Variants in KCNQ5 observed in about 807,000 individuals in gnomAD.
The protein encoded by KCNQ5 is potassium voltage-gated channel subfamily Q member 5.
Under a neutral mutation model 98.2 loss-of-function variants are expected in KCNQ5, and 30 were observed. The observed-to-expected ratio is 0.31, with a 90% CI of 0.23 to 0.41. KCNQ5 has a LOEUF of 0.41. KCNQ5 is among the 10% of genes least tolerant of loss of function. The probability of loss-of-function intolerance (pLI) is 1.00; values close to 1 mark genes in which losing one functional copy is unlikely to be tolerated. For synonymous variants in KCNQ5, 458 were observed against 449.4 expected, an observed-to-expected ratio of 1.02 and a Z score of -0.24; for missense variants, 835 against 1,182.5, an observed-to-expected ratio of 0.71 and a Z score of 4.31.
chr6:72,723,657 CCTTT>C (rs1013344723), intron 1 of KCNQ5, among the ~76,000 whole-genome samples: 2 of 151,952 alleles, frequency 1.3e-5, no homozygotes, highest in Non-Finnish European at 2.9e-5. Flanking sequence ...CTTTTTCCTT[CCTTT>C]CTTTCTTTCA....
intron 1 of KCNQ5, among the ~76,000 whole-genome samples, chr6:72,642,936 G>A (rs1765399600): frequency 6.6e-6 from 1 of 152,134 alleles, no homozygotes. Context: ...ACATAAAAAA[G>A]AATGAGCTTA....
At chr6:72,891,224 A>G (rs563273730) in intron 1 of KCNQ5, among the ~76,000 whole-genome samples, 1 of 152,328 alleles carries the variant, frequency 6.6e-6, no homozygotes, top group South Asian at 2.1e-4. Context: ...CCATAATGCT[A>G]GTATTGCACA....
intron 1 of KCNQ5, among the ~76,000 whole-genome samples, chr6:72,848,822 C>G (rs1777121068): frequency 6.6e-6 from 1 of 152,118 alleles, no homozygotes; most frequent in Admixed American, 6.6e-5. Context: ...CTTTGCTCAG[C>G]ACTTCTCCTT....
chr6:72,891,090 T>C (rs558624436), intron 1 of KCNQ5, among the ~76,000 whole-genome samples: 1 of 152,332 alleles, frequency 6.6e-6, no homozygotes, highest in Admixed American at 6.5e-5. Flanking sequence ...TATTCCAGAA[T>C]GGATTTAATA....
intron 1 of KCNQ5, among the ~76,000 whole-genome samples, chr6:72,763,944 A>C (rs1395471287): frequency 1.3e-5 from 2 of 151,998 alleles, no homozygotes; most frequent in African/African-American, 4.8e-5. Context: ...TCAATATAGA[A>C]CACTAATGAA....
At chr6:72,932,273 C>CGT (rs967705831) in intron 1 of KCNQ5, among the ~76,000 whole-genome samples, 1 of 150,988 alleles carries the variant, frequency 6.6e-6, no homozygotes, top group South Asian at 2.1e-4. Context: ...TGCGTGTGTG[C>CGT]GTGTGTGTGT....
At chr6:72,806,965 C>G (rs987743838) in intron 1 of KCNQ5, 2 of 309,732 alleles carry the variant, frequency 6.5e-6, no homozygotes, top group Non-Finnish European at 1.2e-5. Context: ...GCCTTTGTCT[C>G]TGTTACTATT....
chr6:73,094,805 G>A (rs1774410187), intron 5 of KCNQ5, among the ~76,000 whole-genome samples: 1 of 152,046 alleles, frequency 6.6e-6, no homozygotes, highest in Non-Finnish European at 1.5e-5. Context: ...TAATCTAATA[G>A]GTTTTTATTT....
chr6:72,808,140 C>A (rs989742578), intron 1 of KCNQ5, among the ~76,000 whole-genome samples: 1 of 152,028 alleles, frequency 6.6e-6, no homozygotes. Context: ...TCAATGGCGG[C>A]CTTATCTGGG....
chr6:72,690,692 T>C, intron 1 of KCNQ5, among the ~76,000 whole-genome samples: 1 of 151,098 alleles, frequency 6.6e-6, no homozygotes, highest in Non-Finnish European at 1.5e-5. Context: ...GGGCAGCCCA[T>C]GCCTCCTGAA....
At chr6:72,917,113 G>A (rs1050952281) in intron 1 of KCNQ5, among the ~76,000 whole-genome samples, 11 of 152,208 alleles carry the variant, frequency 7.2e-5, no homozygotes, top group African/African-American at 2.7e-4. Flanking sequence ...GAGGAGCCCA[G>A]GGTGCTGAAG....
intron 1 of KCNQ5, among the ~76,000 whole-genome samples, chr6:72,897,645 A>AAACG (rs1295526126): frequency 6.6e-6 from 1 of 152,214 alleles, no homozygotes; most frequent in Admixed American, 6.5e-5. Context: ...GTAAACAAAC[A>AAACG]AACGAACAAA....
rs200744226 is a variant in KCNQ5 at position 72,785,939 on chromosome 6, CT to C, written c.398+163353del. 5.3e-3 allele frequency among the ~76,000 whole-genome samples: 804 copies of C among 152,242 alleles called. 23 individuals carry two copies. Among genetic ancestry groups the C allele is most frequent in the Admixed American group, 0.043 (663 of 15,292 alleles). ...TGGGTTTAGGACAGTTCAACCTCTG[CT>C]GTCTAGAGTAGCACTACCCAAGAGA... On this transcript the variant is annotated intron_variant, in intron 1 of 13. Transcript: ENST00000370398.
intron 11 of KCNQ5, among the ~76,000 whole-genome samples, chr6:73,181,873 G>T (rs536548886): frequency 1.3e-4 from 20 of 152,224 alleles, no homozygotes; most frequent in African/African-American, 4.6e-4. Flanking sequence ...AAACAGGGAT[G>T]GCAATAGTAC....
chr6:72,780,985 C>A lies in KCNQ5; in HGVS notation c.398+158398C>A, dbSNP rs150587672. ...TTTTTCATAGTTTTCTTGTTTATAT[C>A]TAAACATAAATCTTCTGACACTAAT... On this transcript the variant is annotated intron_variant, in intron 1 of 13. Coordinates refer to ENST00000370398, the MANE Select transcript of KCNQ5 (RefSeq NM_019842.4). Among the ~76,000 whole-genome samples, 649 of 152,230 alleles carry A rather than the reference C, an allele frequency of 4.3e-3. 6 individuals are homozygous for A. Among genetic ancestry groups the A allele is most frequent in the African/African-American group, 0.013 (554 of 41,534 alleles).
rs1230150081 is a variant in KCNQ5, at chr6:72,699,368, A to G, written c.398+76781A>G. ...TGAGATCAGTGGTTAAATGCTGACAAACTGTCATTTAGAGATTCACAAATT... is the reference window on the plus strand; with the variant it reads ...TGAGATCAGTGGTTAAATGCTGACAGACTGTCATTTAGAGATTCACAAATT... On this transcript the variant is annotated intron_variant, in intron 1 of 13. Transcript: ENST00000370398. 2.0e-5 allele frequency among the ~76,000 whole-genome samples: 3 copies of G among 152,232 alleles called. No individual in the cohort carries two copies. In the East Asian group the frequency reaches 5.8e-4, roughly 29 times the overall value.
At chr6:72,801,939 A>T (rs1774682857) in intron 1 of KCNQ5, among the ~76,000 whole-genome samples, 1 of 151,990 alleles carries the variant, frequency 6.6e-6, no homozygotes, top group Admixed American at 6.6e-5. Flanking sequence ...TTCTTTAAGA[A>T]TGTTGAATAT....
chr6:72,756,600 A>T (rs144378708), intron 1 of KCNQ5, among the ~76,000 whole-genome samples: 2,334 of 152,254 alleles, frequency 0.015, 29 homozygotes, highest in Non-Finnish European at 0.022. Context: ...CTACATAAGT[A>T]TTGAAATCAT....
At chr6:72,689,755 TA>T (rs1253578651) in intron 1 of KCNQ5, among the ~76,000 whole-genome samples, 2 of 151,144 alleles carry the variant, frequency 1.3e-5, no homozygotes, top group African/African-American at 4.9e-5. Context: ...AACTTAGCTA[TA>T]TTTAGTTTTT....
Sources: allele counts gnomAD v4.1 joint callset (sites outside exome capture counted in the v4.1 genomes callset), GRCh38; gene constraint gnomAD v4.1.1; transcripts MANE v1.5; gene names NCBI Gene and HGNC (gene_info 2026-07-23, HGNC 2026-07-21).